The following SLC8A1 variants were observed in gnomAD, a reference collection of about 807,000 sequenced individuals.
SLC8A1 encodes solute carrier family 8 member A1.
A neutral mutation model predicts 68.3 loss-of-function variants in SLC8A1; 18 were observed. The observed-to-expected ratio is 0.26, with a 90% CI of 0.18 to 0.39. The LOEUF (loss-of-function observed/expected upper bound fraction) is 0.39, where lower values mean the gene tolerates loss of function less well. SLC8A1 is among the 10% of genes least tolerant of loss of function. The pLI is 1.00. For missense variants in SLC8A1, 985 were observed against 1,156.7 expected (o/e 0.85, Z 2.15); for synonymous variants, 475 against 415.5 (o/e 1.14, Z -1.74).
intron 2 of SLC8A1, among the ~76,000 whole-genome samples, chr2:40,257,806 A>C (rs1223404054): frequency 2.6e-5 from 4 of 152,226 alleles, no homozygotes; most frequent in Admixed American, 2.0e-4. Flanking sequence ...ATTCTCCAGT[A>C]ACTTTTTCTG....
chr2:40,359,252 T>C (rs1169137764), intron 2 of SLC8A1, among the ~76,000 whole-genome samples: 3 of 152,184 alleles, frequency 2.0e-5, no homozygotes, highest in African/African-American at 7.2e-5. Context: ...ATCGATTACA[T>C]ACTGAAATGA....
intron 2 of SLC8A1, among the ~76,000 whole-genome samples, chr2:40,372,737 T>C (rs144082768): frequency 1.5e-3 from 232 of 152,234 alleles, no homozygotes; most frequent in African/African-American, 5.3e-3. Context: ...TTCTAGGGAA[T>C]CTTGCAGAAG....
chr2:40,306,976 A>G (rs1456972581), intron 2 of SLC8A1, among the ~76,000 whole-genome samples: 1 of 152,156 alleles, frequency 6.6e-6, no homozygotes, highest in Non-Finnish European at 1.5e-5. Context: ...CCATAAGTTG[A>G]AAAAAATCAA....
At chr2:40,476,117 A>AT in intron 1 of SLC8A1, among the ~76,000 whole-genome samples, 1 of 152,198 alleles carries the variant, frequency 6.6e-6, no homozygotes, top group Middle Eastern at 3.4e-3. Context: ...GAACTTCTTG[A>AT]TTTTTCTATG....
chr2:40,417,232 A>G (rs1430880661), intron 2 of SLC8A1, among the ~76,000 whole-genome samples: 1 of 151,952 alleles, frequency 6.6e-6, no homozygotes, highest in Non-Finnish European at 1.5e-5. Flanking sequence ...ACTGCATGTC[A>G]TGGGGGTTTG....
intron 2 of SLC8A1, among the ~76,000 whole-genome samples, chr2:40,368,628 G>A (rs1331570702): frequency 6.6e-6 from 1 of 152,036 alleles, no homozygotes; most frequent in Non-Finnish European, 1.5e-5. Flanking sequence ...TGGTACAAGT[G>A]TAGGTTTGTT....
At chr2:40,468,785 C>G (rs564493556) in intron 1 of SLC8A1, among the ~76,000 whole-genome samples, 1 of 151,950 alleles carries the variant, frequency 6.6e-6, no homozygotes, top group African/African-American at 2.4e-5. Context: ...GACTTTAAAG[C>G]CTTTCCTGGG....
At chr2:40,394,519 G>A (rs928562097) in intron 2 of SLC8A1, among the ~76,000 whole-genome samples, 1 of 151,710 alleles carries the variant, frequency 6.6e-6, no homozygotes, top group Non-Finnish European at 1.5e-5. Context: ...TGGCAGATTT[G>A]GTTTTATCAT....
intron 2 of SLC8A1, among the ~76,000 whole-genome samples, chr2:40,269,790 T>C (rs1200981288): frequency 6.6e-6 from 1 of 152,096 alleles, no homozygotes; most frequent in Non-Finnish European, 1.5e-5. Flanking sequence ...TTGCTGTTTT[T>C]TTTTTCTATT....
chr2:40,361,887 C>CTTTTTTTTTTTTTTTTTT lies in SLC8A1; in HGVS notation c.1808+66568_1808+66585dup, dbSNP rs1172909749. On this transcript the variant is annotated intron_variant, in intron 2 of 7. Coordinates refer to ENST00000406785, the Ensembl canonical transcript of SLC8A1. ...GTCAGATGTTTATATCTTTTCTTTC[C>CTTTTTTTTTTTTTTTTTT]TTTTTTTTTTTTTTTTTTTTTTTTT... 2.6e-4 allele frequency among the ~76,000 whole-genome samples: 14 copies of CTTTTTTTTTTTTTTTTTT among 53,106 alleles called. 2 individuals carry two copies. The highest frequency in any genetic ancestry group is 4.4e-4 in the African/African-American group (5 of 11,286). 34.8% of individuals were successfully genotyped at this position (53,106 alleles called of 152,430 possible). A position where few individuals can be genotyped will look rare whatever the true frequency, so the allele number is the denominator to read the frequency against.
chr2:40,099,074 C>T (rs1444702013), exon 8 of SLC8A1: 1 of 151,944 alleles, frequency 6.6e-6, no homozygotes, highest in African/African-American at 2.4e-5. Context: ...AGTGAATCAA[C>T]TCATTAATAC....
intron 2 of SLC8A1, among the ~76,000 whole-genome samples, chr2:40,362,702 G>A (rs774315709): frequency 1.4e-4 from 21 of 151,958 alleles, no homozygotes; most frequent in Non-Finnish European, 2.2e-4. Context: ...ATAAATTTTG[G>A]TAAGTTTATA....
chr2:40,485,377 T>C (rs1230790603), intron 1 of SLC8A1, among the ~76,000 whole-genome samples: 2 of 152,194 alleles, frequency 1.3e-5, no homozygotes, highest in African/African-American at 4.8e-5. Flanking sequence ...ATAGTGGGCA[T>C]TTAAAAATAA....
At chr2:40,121,809 T>C (rs552082756) in intron 7 of SLC8A1, among the ~76,000 whole-genome samples, 18 of 152,350 alleles carry the variant, frequency 1.2e-4, no homozygotes, top group African/African-American at 4.3e-4. Context: ...TAAGGAGTTA[T>C]AACACCCTTT....
chr2:40,429,215 G>A lies in SLC8A1; in HGVS notation c.1066C>T (p.Gln356Ter). 6.2e-7 allele frequency: 1 copy of A among 1,613,680 alleles called. No homozygotes were observed. Among genetic ancestry groups the A allele is most frequent in the Non-Finnish European group, 8.5e-7 (1 of 1,179,844 alleles). The change falls in exon 2 of 8, where the codon CAG becomes TAG. Residue 356 changes from glutamine (Q) to a stop codon, truncating the protein, a stop_gained. Coordinates refer to ENST00000406785, the Ensembl canonical transcript of SLC8A1. LOFTEE classifies it high-confidence loss of function. ...TAAAATGCTCTACTTTTTTGCTGCTGACTTAGGACTTGGTAGTTAGCTAAT... is the reference window on the plus strand; with the variant it reads ...TAAAATGCTCTACTTTTTTGCTGCTAACTTAGGACTTGGTAGTTAGCTAAT...
At chr2:40,313,597 C>T (rs114946425) in intron 2 of SLC8A1, among the ~76,000 whole-genome samples, 2 of 151,888 alleles carry the variant, frequency 1.3e-5, no homozygotes, top group African/African-American at 2.4e-5. Context: ...GAGACAGGTT[C>T]TTCCTATATT....
intron 2 of SLC8A1, among the ~76,000 whole-genome samples, chr2:40,326,726 C>G (rs546344072): frequency 6.6e-6 from 1 of 152,320 alleles, no homozygotes; most frequent in South Asian, 2.1e-4. Flanking sequence ...TGGTTCTTGA[C>G]AGCCTAGTAA....
intron 1 of SLC8A1, among the ~76,000 whole-genome samples, chr2:40,433,828 C>T (rs191623925): frequency 2.6e-5 from 4 of 152,150 alleles, no homozygotes; most frequent in South Asian, 2.1e-4. Flanking sequence ...TGGACTAGCC[C>T]GTTGGAAAGC....
chr2:40,225,149 A>C (rs1299328839), intron 2 of SLC8A1, among the ~76,000 whole-genome samples: 4 of 152,150 alleles, frequency 2.6e-5, no homozygotes, highest in Non-Finnish European at 5.9e-5. Flanking sequence ...GTCCAAAAGA[A>C]AACAAGGAAT....
Sources: gnomAD v4.1 joint callset for allele counts (sites outside exome capture counted in the v4.1 genomes callset) on GRCh38, gnomAD v4.1.1 for gene constraint, MANE v1.5 for transcripts, NCBI Gene and HGNC (gene_info 2026-07-23, HGNC 2026-07-21) for gene names.